The following ACTR1A variants were observed in gnomAD, a reference collection of about 807,000 sequenced individuals.
ACTR1A encodes alpha-centractin.
Under a neutral mutation model 50.7 loss-of-function variants are expected in ACTR1A, and 10 were observed. The observed-to-expected ratio is 0.20, with a 90% CI of 0.12 to 0.33. The LOEUF is 0.33. Among genes scored for constraint, ACTR1A ranks in the 10% least tolerant of loss-of-function variants. ACTR1A has a pLI of 1.00. For missense variants in ACTR1A, 253 were observed against 491.7 expected (o/e 0.51, Z 4.59); for synonymous variants, 177 against 184.2 (o/e 0.96, Z 0.32).
intron 1 of ACTR1A, among the ~76,000 whole-genome samples, chr10:102,495,957 T>C (rs1049089349): frequency 3.3e-5 from 5 of 150,832 alleles, no homozygotes; most frequent in African/African-American, 1.2e-4. Context: ...TTATTTTGTT[T>C]TTGTTTGAGA....
chr10:102,495,140 G>C (rs2062214018), intron 1 of ACTR1A, among the ~76,000 whole-genome samples: 1 of 152,078 alleles, frequency 6.6e-6, no homozygotes, highest in Non-Finnish European at 1.5e-5. Context: ...ACTCGGGTGT[G>C]GTGGTGCGGG....
chr10:102,488,796 G>A lies in ACTR1A; in HGVS notation c.189+267C>T, dbSNP rs1472958690. ...TTTGATCACTGACAAGGCAGTGACA[G>A]GATGCAGAAGACAACAGCCCTGTTT... On this transcript the variant is annotated intron_variant, in intron 3 of 10. Coordinates refer to ENST00000369905, the MANE Select transcript of ACTR1A (RefSeq NM_005736.4). This position sits in a 1 kb window ranked among gnomAD's most constrained non-coding sequence, Gnocchi z 4.4. Among the ~76,000 whole-genome samples, 2 of 152,150 alleles carry A rather than the reference G, an allele frequency of 1.3e-5. No homozygotes were observed. Among genetic ancestry groups the A allele is most frequent in the African/African-American group, 4.8e-5 (2 of 41,434 alleles).
Position 102,488,048 on chromosome 10 carries a change from G to T in ACTR1A, c.315+102C>A. 2.2e-6 allele frequency: 3 copies of T among 1,378,304 alleles called. No individual in the cohort carries two copies. Among genetic ancestry groups the T allele is most frequent in the Non-Finnish European group, 2.0e-6 (2 of 996,438 alleles). 85.4% of individuals were successfully genotyped at this position (1,378,304 alleles called of 1,614,324 possible). ...TATGCCTGAAAATCAAATGGCTCCA[G>T]CACTCTTGGCAGTGATCATCGTCCT... On this transcript the variant is annotated intron_variant, in intron 4 of 10. Coordinates refer to ENST00000369905, the MANE Select transcript of ACTR1A (RefSeq NM_005736.4). The surrounding 1 kb of genome is among the most constrained non-coding windows in gnomAD (Gnocchi z 4.4).
At chr10:102,489,910 C>T (rs2062184137) in intron 2 of ACTR1A, among the ~76,000 whole-genome samples, 1 of 152,098 alleles carries the variant, frequency 6.6e-6, no homozygotes. Flanking sequence ...TGCTCTTCTC[C>T]TGCCTGCAGT....
At chr10:102,485,841 G>GTCAGCC (rs2062165614) in intron 4 of ACTR1A, 108 bp from the exon 5 acceptor site, 2 of 1,495,802 alleles carry the variant, frequency 1.3e-6, no homozygotes, top group African/African-American at 2.8e-5. Flanking sequence ...GGGGACTTCA[G>GTCAGCC]TCAGCCTCAC....
intron 1 of ACTR1A, among the ~76,000 whole-genome samples, chr10:102,497,596 T>A (rs544729191): frequency 6.6e-6 from 1 of 151,372 alleles, no homozygotes; most frequent in Non-Finnish European, 1.5e-5. Context: ...CTAAAAAAAA[T>A]TTAAAAACAA....
At chr10:102,485,880 A>T in intron 4 of ACTR1A, 147 bp from the exon 5 acceptor site, 1 of 1,143,462 alleles carries the variant, frequency 8.7e-7, no homozygotes, top group Non-Finnish European at 1.2e-6. Flanking sequence ...GTGCCTGTCA[A>T]CTATCCCTGC....
At chr10:102,483,252 C>G (rs2062152346) in intron 6 of ACTR1A, 149 bp from the exon 7 acceptor site, 3 of 681,376 alleles carry the variant, frequency 4.4e-6, no homozygotes, top group Non-Finnish European at 8.0e-6. Context: ...GAAGCAGGGG[C>G]AGTGAGGTCT....
Position 102,488,852 on chromosome 10 carries a change from A to G in ACTR1A, c.189+211T>C, listed in dbSNP as rs1247990374. On this transcript the variant is annotated intron_variant, in intron 3 of 10. Coordinates refer to ENST00000369905, the MANE Select transcript of ACTR1A (RefSeq NM_005736.4). This position sits in a 1 kb window ranked among gnomAD's most constrained non-coding sequence, Gnocchi z 4.4. ...ACTGGTCTCAGTGTGTCCCAAAGTG[A>G]GGTCCCAGGTATTTTCTTCTCCAAG... 6.6e-6 allele frequency among the ~76,000 whole-genome samples: 1 copy of G among 152,230 alleles called. No individual in the cohort carries two copies. Among genetic ancestry groups the G allele is most frequent in the African/African-American group, 2.4e-5 (1 of 41,458 alleles).
Position 102,485,751 on chromosome 10 carries a change from G to A in ACTR1A, c.316-18C>T. The A allele has an allele frequency of 6.2e-7, 1 of 1,613,486 alleles. No homozygotes were observed. The highest frequency in any genetic ancestry group is 8.5e-7 in the Non-Finnish European group (1 of 1,179,708). On this transcript the variant is annotated intron_variant, in intron 4 of 10. Coordinates refer to ENST00000369905, the MANE Select transcript of ACTR1A (RefSeq NM_005736.4). ...ACAGGATGCTGGTGAAAGGAGCCCG[G>A]GAGACAATGAGGCCAAGGCCAGATT...
chr10:102,486,062 G>A (rs921485778), intron 4 of ACTR1A, among the ~76,000 whole-genome samples: 2 of 151,998 alleles, frequency 1.3e-5, no homozygotes, highest in African/African-American at 2.4e-5. Context: ...AATTCCTGCC[G>A]CAGACCAGTT....
At chr10:102,491,175 T>C (rs2062189977) in intron 1 of ACTR1A, among the ~76,000 whole-genome samples, 1 of 152,146 alleles carries the variant, frequency 6.6e-6, no homozygotes, top group Admixed American at 6.5e-5. Context: ...CATGTTTTGC[T>C]TTGGGAATTA....
chr10:102,502,699 C>T lies in ACTR1A; in HGVS notation c.-52G>A. 2 of 1,602,212 alleles carry T rather than the reference C, an allele frequency of 1.2e-6. No homozygotes were observed. Among genetic ancestry groups the T allele is most frequent in the Non-Finnish European group, 1.7e-6 (2 of 1,169,712 alleles). On this transcript the variant is annotated 5_prime_UTR_variant, in exon 1 of 11. Transcript: ENST00000369905. Reference sequence around the variant, plus strand: ...AGGAACTGCCCAGCCGGGTCCGCCGCTAGCGCCACTGACACGCATGCGCAG... The same window carrying T: ...AGGAACTGCCCAGCCGGGTCCGCCGTTAGCGCCACTGACACGCATGCGCAG...
At position 102,482,664 on chromosome 10, in the gene ACTR1A, A is replaced by G; in HGVS notation, c.750+347T>C. ...TCATGCTCAGGAGCTCTGCTGCTCC[A>G]GAGAGAGGGTGTAAGGCTGGGGTGT... On this transcript the variant is annotated intron_variant, in intron 7 of 10. Coordinates refer to ENST00000369905, the MANE Select transcript of ACTR1A (RefSeq NM_005736.4). The surrounding 1 kb of genome is among the most constrained non-coding windows in gnomAD (Gnocchi z 5.6). The G allele has an allele frequency of 3.3e-6, 1 of 304,380 alleles. No homozygotes were observed. The highest frequency in any genetic ancestry group is 6.2e-6 in the Non-Finnish European group (1 of 161,468). The allele number at this position is 304,380 out of a possible 1,614,324, so 18.9% of individuals were successfully genotyped here.
At chr10:102,500,404 C>T (rs910493778) in intron 1 of ACTR1A, among the ~76,000 whole-genome samples, 1 of 152,032 alleles carries the variant, frequency 6.6e-6, no homozygotes, top group African/African-American at 2.4e-5. Flanking sequence ...CCCATCTCTA[C>T]TAAAAATACA....
At chr10:102,493,001 C>CA (rs398014648) in intron 1 of ACTR1A, among the ~76,000 whole-genome samples, 32,124 of 49,262 alleles carry the variant, frequency 0.65, 10,853 homozygotes, top group South Asian at 0.79. Flanking sequence ...GACTCCACCT[C>CA]AAAAAAAAAA....
At position 102,483,212 on chromosome 10, in the gene ACTR1A, G is replaced by A. The variant is rs1431233611; in HGVS notation, c.658-109C>T. 7.1e-6 allele frequency: 6 copies of A among 850,192 alleles called. No individual in the cohort carries two copies. In the East Asian group the frequency reaches 1.4e-4, roughly 21 times the overall value. 52.7% of individuals were successfully genotyped at this position (850,192 alleles called of 1,614,324 possible). ...CACAAACCTGTCTAAACGTTGTGATGGCCCCAATGGTCACTATAGCTGCTG... is the reference window on the plus strand; with the variant it reads ...CACAAACCTGTCTAAACGTTGTGATAGCCCCAATGGTCACTATAGCTGCTG... On this transcript the variant is annotated intron_variant, in intron 6 of 10. Transcript: ENST00000369905.
At chr10:102,502,497 G>T in intron 1 of ACTR1A, 103 bp downstream of exon 1, 1 of 1,299,346 alleles carries the variant, frequency 7.7e-7, no homozygotes, top group Non-Finnish European at 1.1e-6. Flanking sequence ...CTGACAGGCC[G>T]GGCCAGTGAC....
intron 10 of ACTR1A, 22 bp downstream of exon 10, chr10:102,481,110 T>C (rs1395891329): frequency 1.2e-6 from 2 of 1,606,874 alleles, no homozygotes; most frequent in African/African-American, 1.3e-5. Flanking sequence ...GTTCTGTTCT[T>C]ACTCCTGGAA....
Sources: gnomAD v4.1 joint callset for allele counts (sites outside exome capture counted in the v4.1 genomes callset) on GRCh38, gnomAD v4.1.1 for gene constraint, Gnocchi (gnomAD v3.1) non-coding constraint, MANE v1.5 for transcripts, NCBI Gene and HGNC (gene_info 2026-07-23, HGNC 2026-07-21) for gene names.